Variants in SUGP2 observed in about 807,000 individuals in gnomAD.
SUGP2 encodes the protein SURP and G-patch domain containing 2, also known as SURP and G-patch domain-containing protein 2.
A neutral mutation model predicts 90.5 loss-of-function variants in SUGP2; 24 were observed. The observed-to-expected ratio is 0.27, with a 90% CI of 0.19 to 0.37. The LOEUF (loss-of-function observed/expected upper bound fraction) is 0.37, where lower values mean the gene tolerates loss of function less well. SUGP2 is among the 10% of genes least tolerant of loss of function. SUGP2 has a pLI of 1.00. For missense variants in SUGP2, 1,233 were observed against 1,363.3 expected, an observed-to-expected ratio of 0.90 and a Z score of 1.51; for synonymous variants, 473 against 513.4, an observed-to-expected ratio of 0.92 and a Z score of 1.06.
chr19:19,004,934 GATCTGGCTTGAGACCC>G (rs2058003445), intron 6 of SUGP2, among the ~76,000 whole-genome samples: 1 of 152,198 alleles, frequency 6.6e-6, no homozygotes, highest in African/African-American at 2.4e-5. Flanking sequence ...CTGGAATAGA[GATCTGGCTTGAGACCC>G]ATCTCACCCT....
chr19:18,995,413 C>T, intron 8 of SUGP2, 133 bp from the exon 9 acceptor site: 2 of 1,051,266 alleles, frequency 1.9e-6, no homozygotes, highest in Non-Finnish European at 2.6e-6. Context: ...GCTCAAGCTC[C>T]AGTCACTTCC....
At chr19:18,998,529 C>T (rs1259379718) in intron 8 of SUGP2, among the ~76,000 whole-genome samples, 2 of 152,164 alleles carry the variant, frequency 1.3e-5, no homozygotes, top group African/African-American at 4.8e-5. Flanking sequence ...GAGGGAAATT[C>T]CCTTTGTTCT....
chr19:19,018,147 C>A (rs1599515436), intron 4 of SUGP2, among the ~76,000 whole-genome samples: 2 of 151,944 alleles, frequency 1.3e-5, no homozygotes, highest in Non-Finnish European at 1.5e-5. Flanking sequence ...GCCACTGGAG[C>A]CCTGTGGACA....
chr19:18,999,276 C>A (rs1029168557), intron 8 of SUGP2, among the ~76,000 whole-genome samples: 2 of 152,178 alleles, frequency 1.3e-5, no homozygotes, highest in Admixed American at 6.5e-5. Flanking sequence ...CCCACAGTCA[C>A]TGGCAGACAG....
intron 2 of SUGP2, among the ~76,000 whole-genome samples, chr19:19,027,546 G>A (rs1317288446): frequency 6.6e-6 from 1 of 151,948 alleles, no homozygotes; most frequent in Admixed American, 6.5e-5. Context: ...TAAGTACCAA[G>A]AAGACAAATC....
At chr19:19,019,823 A>C (rs1331731510) in intron 3 of SUGP2, among the ~76,000 whole-genome samples, 1 of 148,346 alleles carries the variant, frequency 6.7e-6, no homozygotes, top group Admixed American at 6.8e-5. Context: ...TTCACAAAAA[A>C]TTTTCTCCAA....
intron 8 of SUGP2, 111 bp downstream of exon 8, chr19:19,001,502 C>T: frequency 9.0e-7 from 1 of 1,113,194 alleles, no homozygotes; most frequent in Non-Finnish European, 1.4e-6. Flanking sequence ...ACATTAATAC[C>T]TCAGTTTGAA....
Position 18,994,214 on chromosome 19 carries a change from AC to A in SUGP2, c.*151del. 3 of 1,052,398 alleles carry A rather than the reference AC, an allele frequency of 2.9e-6. No homozygotes were observed. In the South Asian group the frequency reaches 4.5e-5, roughly 16 times the overall value. 65.2% of individuals were successfully genotyped at this position (1,052,398 alleles called of 1,614,324 possible). On this transcript the variant is annotated intron_variant, in intron 10 of 10. Transcript: ENST00000452918. ...GAATGGGGCATATCCACATCCATAG[AC>A]CCTTTTGTTTCCCTCACAGAATTTT... is the stretch of plus-strand genomic sequence containing the variant.
chr19:18,994,189 G>A (rs551342662), intron 10 of SUGP2, 177 bp downstream of exon 10: 1 of 842,592 alleles, frequency 1.2e-6, no homozygotes, highest in South Asian at 1.8e-5. Context: ...TGGAAGGTAA[G>A]AATGGGGCAT....
chr19:18,996,469 T>G (rs2057591962), intron 8 of SUGP2, among the ~76,000 whole-genome samples: 1 of 152,198 alleles, frequency 6.6e-6, no homozygotes, highest in African/African-American at 2.4e-5. Context: ...CAGGCTGGTC[T>G]CGGATTCCCG....
chr19:19,032,374 G>T (rs1167318005), intron 1 of SUGP2, among the ~76,000 whole-genome samples: 2 of 152,078 alleles, frequency 1.3e-5, no homozygotes, highest in Non-Finnish European at 2.9e-5. Context: ...GGCCAGGCTG[G>T]TCTTGAATTC....
At chr19:19,033,656 C>G (rs1000800274), upstream of SUGP2, 14 of 892,342 alleles carry the variant, frequency 1.6e-5, no homozygotes, top group Non-Finnish European at 2.0e-5. Context: ...GGCGGACGCT[C>G]TGGAGGCAAA....
In SUGP2 at chr19:18,995,293, G is replaced by A; in HGVS notation, c.2992-13C>T. ...AGTCCTTGGGTTTCTGAGGAGAGAG[G>A]AGAGTCCAGGCATGTGGGCCACAGG... On this transcript the variant is annotated splice_polypyrimidine_tract_variant and intron_variant, in intron 8 of 10. Transcript: ENST00000452918. 2 of 1,596,456 alleles carry A rather than the reference G, an allele frequency of 1.3e-6. No homozygotes were observed. The highest frequency in any genetic ancestry group is 1.3e-5 in the African/African-American group (1 of 74,724).
chr19:19,019,991 CAAAAA>C (rs11434968), intron 3 of SUGP2, among the ~76,000 whole-genome samples: 2 of 34,834 alleles, frequency 5.7e-5, no homozygotes, highest in South Asian at 3.2e-3. Flanking sequence ...TGCTAAAATA[CAAAAA>C]AAAAAAAAAA....
chr19:19,004,381 C>G lies in SUGP2; in HGVS notation c.2716G>C (p.Ala906Pro), dbSNP rs1599433054. ...DEDDEDGGEE[A>P]PAPGGAGKSE... ...TTGCCCGCCCCTCCAGGAGCGGGGG[C>G]CTCCTCTCCCCCATCCTCATCGTCC... The change falls in exon 7 of 11, where the codon GCC becomes CCC. Residue 906 changes from alanine (A) to proline (P), a missense_variant. By Grantham distance (27) the Ala-to-Pro change is conservative. Coordinates refer to ENST00000452918, the MANE Select transcript of SUGP2 (RefSeq NM_001017392.5). 2.3e-5 allele frequency: 37 copies of G among 1,613,848 alleles called. No individual in the cohort carries two copies. The highest frequency in any genetic ancestry group is 3.1e-5 in the Non-Finnish European group (37 of 1,179,866).
intron 2 of SUGP2, among the ~76,000 whole-genome samples, chr19:19,030,520 A>T (rs1430968832): frequency 6.6e-6 from 1 of 151,154 alleles, no homozygotes; most frequent in Non-Finnish European, 1.5e-5. Flanking sequence ...GTCTCAAAAC[A>T]AACAAACAAA....
intron 1 of SUGP2, chr19:19,033,061 A>T (rs1203445167): frequency 6.5e-6 from 1 of 153,526 alleles, no homozygotes; most frequent in East Asian, 1.9e-4. Flanking sequence ...TGGAATGGGC[A>T]GCCAGTAAAG....
rs1212726540 is a variant in SUGP2, at chr19:19,006,690, T to C, written c.2450+1627A>G. On this transcript the variant is annotated intron_variant, in intron 6 of 10. Transcript: ENST00000452918. The stretch of plus-strand genomic sequence containing the variant: ...GCCAGAGGAAATCCCACATACACAG[T>C]GGACAGGTCCGACCCCGAGGTCTAC... Among the ~76,000 whole-genome samples, 6 of 152,162 alleles carry C rather than the reference T, an allele frequency of 3.9e-5. No individual in the cohort carries two copies. The East Asian group carries it at 1.2e-3, about 29-fold the overall frequency.
intron 8 of SUGP2, among the ~76,000 whole-genome samples, chr19:18,999,200 G>C (rs1452756878): frequency 6.6e-6 from 1 of 152,178 alleles, no homozygotes; most frequent in Non-Finnish European, 1.5e-5. Flanking sequence ...CTGGAGGAAA[G>C]CCAAGCCCTG....
Sources: gnomAD v4.1 joint callset for allele counts (sites outside exome capture counted in the v4.1 genomes callset) on GRCh38, gnomAD v4.1.1 for gene constraint, MANE v1.5 for transcripts, NCBI Gene and HGNC (gene_info 2026-07-23, HGNC 2026-07-21) for gene names.